Variants in ARHGAP20 observed in about 807,000 individuals in gnomAD.
ARHGAP20 encodes the protein Rho GTPase activating protein 20, also known as rho GTPase-activating protein 20.
In ARHGAP20, 34 loss-of-function variants were observed where a neutral mutation model predicts 73.7. That is an observed-to-expected ratio of 0.46 (90% confidence interval 0.35 to 0.61). ARHGAP20 has a LOEUF of 0.61. Ranked by LOEUF, ARHGAP20 falls within the 20% of genes least tolerant of loss-of-function variation. ARHGAP20 has a pLI of 0.00. For missense variants in ARHGAP20, 1,314 were observed against 1,420.9 expected, an observed-to-expected ratio of 0.92 and a Z score of 1.21; for synonymous variants, 523 against 518.2, an observed-to-expected ratio of 1.01 and a Z score of -0.13.
chr11:110,681,214 G>A (rs1008835048), intron 2 of ARHGAP20, among the ~76,000 whole-genome samples: 2 of 152,124 alleles, frequency 1.3e-5, no homozygotes, highest in African/African-American at 4.8e-5. Flanking sequence ...AAAATAACAT[G>A]TCAGTATAGT....
chr11:110,629,041 T>C (rs1241200247), intron 3 of ARHGAP20, among the ~76,000 whole-genome samples: 1 of 152,012 alleles, frequency 6.6e-6, no homozygotes, highest in Non-Finnish European at 1.5e-5. Flanking sequence ...GGGAAAAATA[T>C]CCAAAAAAGG....
At chr11:110,618,192 T>TA (rs1948528519) in intron 4 of ARHGAP20, among the ~76,000 whole-genome samples, 1 of 152,148 alleles carries the variant, frequency 6.6e-6, no homozygotes, top group Non-Finnish European at 1.5e-5. Context: ...CACAATAGAC[T>TA]AAAGTCAGAA....
intron 2 of ARHGAP20, among the ~76,000 whole-genome samples, chr11:110,643,643 A>ATT (rs111978481): frequency 6.6e-6 from 1 of 151,090 alleles, no homozygotes; most frequent in African/African-American, 2.4e-5. Flanking sequence ...GCTTTGTATG[A>ATT]TTTTTTTTTA....
At chr11:110,632,624 C>T (rs773258429) in intron 2 of ARHGAP20, among the ~76,000 whole-genome samples, 8 of 152,108 alleles carry the variant, frequency 5.3e-5, no homozygotes, top group African/African-American at 9.7e-5. Flanking sequence ...ATGCTGGTCT[C>T]GAACTCATGA....
chr11:110,690,951 T>C, intron 1 of ARHGAP20: 1 of 1,473,344 alleles, frequency 6.8e-7, no homozygotes, highest in Non-Finnish European at 9.1e-7. Context: ...GGCTCTATGC[T>C]AAAGGCTGGA....
intron 6 of ARHGAP20, among the ~76,000 whole-genome samples, chr11:110,613,321 C>T (rs140279463): frequency 1.3e-5 from 2 of 152,250 alleles, no homozygotes; most frequent in Non-Finnish European, 2.9e-5. Context: ...AGAATGCTTC[C>T]CACACATGCA....
intron 2 of ARHGAP20, among the ~76,000 whole-genome samples, chr11:110,650,504 AAAGT>A (rs1391468370): frequency 6.6e-6 from 1 of 152,146 alleles, no homozygotes; most frequent in Admixed American, 6.6e-5. Context: ...CAGGATAAAG[AAAGT>A]AACTAACTCT....
At chr11:110,689,417 A>G (rs1348816574) in intron 2 of ARHGAP20, among the ~76,000 whole-genome samples, 1 of 152,212 alleles carries the variant, frequency 6.6e-6, no homozygotes, top group Non-Finnish European at 1.5e-5. Flanking sequence ...AAAAACTCTT[A>G]CGAGTTAAAA....
At chr11:110,664,676 G>A (rs771361739) in intron 2 of ARHGAP20, among the ~76,000 whole-genome samples, 15 of 149,472 alleles carry the variant, frequency 1.0e-4, no homozygotes, top group South Asian at 2.1e-4. Flanking sequence ...TCCAGTGAGC[G>A]GAGACTGTGC....
At chr11:110,670,852 C>G (rs1391511545) in intron 2 of ARHGAP20, among the ~76,000 whole-genome samples, 2 of 151,946 alleles carry the variant, frequency 1.3e-5, no homozygotes. Context: ...TTCCAATTAA[C>G]TGACCGGTCT....
chr11:110,676,828 A>T (rs11440311), intron 2 of ARHGAP20, among the ~76,000 whole-genome samples: 30,590 of 148,894 alleles, frequency 0.21, 3,195 homozygotes, highest in South Asian at 0.3. Flanking sequence ...TTTTTTTTTT[A>T]AAAAATTGAC....
chr11:110,577,137 AAGTT>A lies in ARHGAP20; in HGVS notation c.*2229_*2232del, dbSNP rs1947302464. ...TGCCTTGAAAACCAAACAACTTTAA[AAGTT>A]AGCAGCAGTTTCTGCAAGTACAAAA... On this transcript the variant is annotated 3_prime_UTR_variant, in exon 15 of 15. Coordinates refer to ENST00000683387, the MANE Select transcript of ARHGAP20 (RefSeq NM_001384657.1). 8.5e-6 allele frequency: 13 copies of A among 1,534,770 alleles called. No homozygotes were observed. The highest frequency in any genetic ancestry group is 1.1e-5 in the Non-Finnish European group (13 of 1,146,364).
intron 4 of ARHGAP20, among the ~76,000 whole-genome samples, chr11:110,618,122 C>T (rs1310768374): frequency 1.3e-5 from 2 of 152,006 alleles, no homozygotes; most frequent in African/African-American, 2.4e-5. Flanking sequence ...GGCAAAGCAG[C>T]AGAACATCTC....
At chr11:110,608,501 T>A (rs1042229994) in intron 8 of ARHGAP20, among the ~76,000 whole-genome samples, 1 of 152,288 alleles carries the variant, frequency 6.6e-6, no homozygotes, top group African/African-American at 2.4e-5. Context: ...GTTAATCTGA[T>A]TTTCTTCATG....
chr11:110,596,610 A>G (rs1408376404), intron 9 of ARHGAP20, among the ~76,000 whole-genome samples: 1 of 152,226 alleles, frequency 6.6e-6, no homozygotes, highest in African/African-American at 2.4e-5. Context: ...CACACCAGTT[A>G]GAATGGTGAT....
rs530635108 is a variant in ARHGAP20 at position 110,579,480 on chromosome 11, A to G, written c.3466T>C (p.Trp1156Arg). 1.9e-6 allele frequency: 3 copies of G among 1,614,124 alleles called. No individual in the cohort carries two copies. Among genetic ancestry groups the G allele is most frequent in the Admixed American group, 1.7e-5 (1 of 60,020 alleles). The change falls in exon 15 of 15, where the codon TGG becomes CGG. Residue 1156 changes from tryptophan (W) to arginine (R), a missense_variant. Physicochemically the swap from Trp to Arg is moderately radical, Grantham distance 101. Coordinates refer to ENST00000683387, the MANE Select transcript of ARHGAP20 (RefSeq NM_001384657.1). Reference sequence around the variant, plus strand: ...CAAGAGCTGGCTGAGGCTCTTTCCCAAGGCAGAGAACCAGAAGAGCTCTGA... The same window carrying G: ...CAAGAGCTGGCTGAGGCTCTTTCCCGAGGCAGAGAACCAGAAGAGCTCTGA... ...GSQSSSGSLP[W>R]ERASASSWTL... is the part of the protein sequence containing the mutation.
At chr11:110,643,506 C>T (rs780230652) in intron 2 of ARHGAP20, among the ~76,000 whole-genome samples, 7 of 152,120 alleles carry the variant, frequency 4.6e-5, no homozygotes, top group Middle Eastern at 6.8e-3. Flanking sequence ...TTGATTTCTG[C>T]CTTAATTTCG....
rs749024190 is a variant in ARHGAP20, at chr11:110,648,221, GTATA to G, written c.189-17433_189-17430del. Among the ~76,000 whole-genome samples, 638 of 76,658 alleles carry G rather than the reference GTATA, an allele frequency of 8.3e-3. 3 individuals are homozygous for G. The highest frequency in any genetic ancestry group is 0.014 in the Admixed American group (117 of 8,482). The allele number at this position is 76,658 out of a possible 152,430, so 50.3% of individuals were successfully genotyped here. ...TATATATATATGTAAATATATATATGTATATATATATATATGTAAATATATATAT... is the reference window on the plus strand; with the variant it reads ...TATATATATATGTAAATATATATATGTATATATATATGTAAATATATATAT... On this transcript the variant is annotated intron_variant, in intron 2 of 14. Coordinates refer to ENST00000683387, the MANE Select transcript of ARHGAP20 (RefSeq NM_001384657.1).
chr11:110,623,842 CCTGTTGTTG>C (rs1421298823), intron 4 of ARHGAP20, among the ~76,000 whole-genome samples: 2 of 149,960 alleles, frequency 1.3e-5, no homozygotes, highest in African/African-American at 5.0e-5. Flanking sequence ...CCTGGAAGTT[CCTGTTGTTG>C]CTGTTGTTGT....
Sources: allele counts gnomAD v4.1 joint callset (sites outside exome capture counted in the v4.1 genomes callset), GRCh38; gene constraint gnomAD v4.1.1; transcripts MANE v1.5; gene names NCBI Gene and HGNC (gene_info 2026-07-23, HGNC 2026-07-21).